DLG1: variants seen among roughly 807,000 people sequenced by gnomAD.
The protein encoded by DLG1 is disks large homolog 1.
DLG1 carries 42 observed loss-of-function variants against 123.4 expected under a neutral mutation model. That is an observed-to-expected ratio of 0.34 (90% confidence interval 0.27 to 0.44). The LOEUF is 0.44. DLG1 is among the 20% of genes least tolerant of loss of function. DLG1 has a pLI of 1.00. For missense variants in DLG1, 942 were observed against 1,082.6 expected, an observed-to-expected ratio of 0.87 and a Z score of 1.82; for synonymous variants, 317 against 356.2, an observed-to-expected ratio of 0.89 and a Z score of 1.24.
intron 4 of DLG1, among the ~76,000 whole-genome samples, chr3:197,206,253 A>C (rs1179089354): frequency 1.3e-5 from 2 of 152,208 alleles, no homozygotes; most frequent in Non-Finnish European, 2.9e-5. Flanking sequence ...CATTTAAAAA[A>C]ATCAGTATAT....
chr3:197,110,850 C>T (rs1262626081), intron 13 of DLG1, among the ~76,000 whole-genome samples: 4 of 152,170 alleles, frequency 2.6e-5, no homozygotes, highest in African/African-American at 9.7e-5. Flanking sequence ...CCACCTTTAA[C>T]ACTCAGATAA....
chr3:197,151,040 A>C (rs1019537300), intron 5 of DLG1, among the ~76,000 whole-genome samples: 2 of 152,158 alleles, frequency 1.3e-5, no homozygotes, highest in African/African-American at 4.8e-5. Flanking sequence ...TTGTACTTAT[A>C]AAACTGCTAT....
intron 4 of DLG1, among the ~76,000 whole-genome samples, chr3:197,194,824 T>C (rs1373842036): frequency 6.6e-6 from 1 of 152,112 alleles, no homozygotes; most frequent in African/African-American, 2.4e-5. Flanking sequence ...GAAGACTGAA[T>C]ATTGATTGCT....
chr3:197,044,823 A>C, intron 24 of DLG1, 94 bp from the exon 25 acceptor site: 2 of 674,616 alleles, frequency 3.0e-6, no homozygotes, highest in Non-Finnish European at 2.3e-6. Context: ...GTATCTTTGA[A>C]AAAGTTACTC....
intron 3 of DLG1, among the ~76,000 whole-genome samples, chr3:197,284,896 G>A (rs1771079323): frequency 6.6e-6 from 1 of 151,832 alleles, no homozygotes; most frequent in African/African-American, 2.4e-5. Flanking sequence ...GTTTCCACAA[G>A]TCCGATTCCT....
At position 197,085,766 on chromosome 3, in the gene DLG1, G is replaced by A. The variant is rs1456380726; in HGVS notation, c.1662-10C>T. ...ATAATCAAAAAGGGCTCTAGAGTCAGAAGAAAAAAAGTCCATAATCACTTG... is the reference window on the plus strand; with the variant it reads ...ATAATCAAAAAGGGCTCTAGAGTCAAAAGAAAAAAAGTCCATAATCACTTG... On this transcript the variant is annotated splice_polypyrimidine_tract_variant and intron_variant, in intron 15 of 24. Transcript: ENST00000667157. 5 of 1,599,584 alleles carry A rather than the reference G, an allele frequency of 3.1e-6. No individual in the cohort carries two copies. In the Admixed American group the frequency reaches 7.2e-5, roughly 23 times the overall value.
intron 18 of DLG1, among the ~76,000 whole-genome samples, chr3:197,073,089 A>G (rs1373180371): frequency 6.6e-6 from 1 of 152,194 alleles, no homozygotes; most frequent in Non-Finnish European, 1.5e-5. Flanking sequence ...ACAGTACATC[A>G]TGTTTCTCTT....
chr3:197,144,005 T>C (rs1249307141), intron 6 of DLG1, among the ~76,000 whole-genome samples: 1 of 152,210 alleles, frequency 6.6e-6, no homozygotes, highest in African/African-American at 2.4e-5. Flanking sequence ...TCTCGTGATA[T>C]GAGGCTGGGC....
chr3:197,262,692 G>A (rs940144480), intron 4 of DLG1, among the ~76,000 whole-genome samples: 3 of 152,242 alleles, frequency 2.0e-5, no homozygotes, highest in East Asian at 1.9e-4. Context: ...CTGTATTTAC[G>A]TAGAGACTAC....
chr3:197,297,395 A>G, intron 1 of DLG1, 160 bp from the exon 2 acceptor site: 2 of 1,435,928 alleles, frequency 1.4e-6, no homozygotes, highest in Non-Finnish European at 1.8e-6. Flanking sequence ...TTGTCTGTCA[A>G]CGTGGAAAGC....
Position 197,053,774 on chromosome 3 carries a change from T to TAAAA in DLG1, c.2484-2110_2484-2107dup, listed in dbSNP as rs35792548. Among the ~76,000 whole-genome samples, 815 of 97,256 alleles carry TAAAA rather than the reference T, an allele frequency of 8.4e-3. 4 individuals carry two copies. Among genetic ancestry groups the TAAAA allele is most frequent in the Middle Eastern group, 0.014 (2 of 146 alleles). The allele number at this position is 97,256 out of a possible 152,430, so 63.8% of individuals were successfully genotyped here. A position where few individuals can be genotyped will look rare whatever the true frequency, so the allele number is the denominator to read the frequency against. ...GGGAGACAGAGTAGACCCTGTCTCATAAAAAAAAAAAAAAAAAAAATCTGC... is the reference window on the plus strand; with the variant it reads ...GGGAGACAGAGTAGACCCTGTCTCATAAAAAAAAAAAAAAAAAAAAAAAATCTGC... On this transcript the variant is annotated intron_variant, in intron 23 of 24. Coordinates refer to ENST00000667157, the MANE Select transcript of DLG1 (RefSeq NM_001366207.1).
chr3:197,128,261 G>A (rs1780797785), intron 11 of DLG1, among the ~76,000 whole-genome samples: 1 of 152,150 alleles, frequency 6.6e-6, no homozygotes, highest in Non-Finnish European at 1.5e-5. Flanking sequence ...TTTCGATAAT[G>A]TTCACATCAT....
chr3:197,271,135 T>C (rs1361460856), intron 4 of DLG1, among the ~76,000 whole-genome samples: 2 of 152,166 alleles, frequency 1.3e-5, no homozygotes, highest in African/African-American at 2.4e-5. Context: ...CTACCTTTCA[T>C]CCTGAGCAGC....
At chr3:197,158,972 G>T (rs988724795) in intron 5 of DLG1, among the ~76,000 whole-genome samples, 2 of 152,090 alleles carry the variant, frequency 1.3e-5, no homozygotes, top group Non-Finnish European at 2.9e-5. Flanking sequence ...TAAGCCTCTG[G>T]ATTTAATAGG....
intron 5 of DLG1, among the ~76,000 whole-genome samples, chr3:197,179,787 A>G (rs908187901): frequency 2.6e-5 from 4 of 152,264 alleles, no homozygotes; most frequent in African/African-American, 4.8e-5. Context: ...TAAATCCTCT[A>G]TAACTCAGAA....
intron 4 of DLG1, among the ~76,000 whole-genome samples, chr3:197,234,229 G>A (rs113555912): frequency 1.4e-4 from 21 of 152,252 alleles, no homozygotes; most frequent in African/African-American, 3.6e-4. Flanking sequence ...TATTTTTAAC[G>A]AGCTCCCTGT....
chr3:197,257,098 T>C (rs1757238533), intron 4 of DLG1, among the ~76,000 whole-genome samples: 1 of 152,080 alleles, frequency 6.6e-6, no homozygotes, highest in South Asian at 2.1e-4. Context: ...TTAAAAAAAA[T>C]CTAAAAAATC....
At chr3:197,167,170 A>G (rs1309664718) in intron 5 of DLG1, among the ~76,000 whole-genome samples, 16 of 152,224 alleles carry the variant, frequency 1.1e-4, no homozygotes. Flanking sequence ...ATACTGATAT[A>G]AATAAATACA....
At chr3:197,278,532 T>G (rs774635040) in intron 4 of DLG1, among the ~76,000 whole-genome samples, 11 of 151,840 alleles carry the variant, frequency 7.2e-5, no homozygotes, top group Non-Finnish European at 1.5e-4. Context: ...AAACAATCAT[T>G]AAACACTAAA....
Sources: allele counts gnomAD v4.1 joint callset (sites outside exome capture counted in the v4.1 genomes callset), GRCh38; gene constraint gnomAD v4.1.1; transcripts MANE v1.5; gene names NCBI Gene and HGNC (gene_info 2026-07-23, HGNC 2026-07-21).